DLGAP2: variants seen among roughly 807,000 people sequenced by gnomAD.
DLGAP2 encodes disks large-associated protein 2.
In DLGAP2, 26 loss-of-function variants were observed where a neutral mutation model predicts 100.3. The ratio of observed to expected loss-of-function variants is 0.26; its 90% CI spans 0.19 to 0.36. DLGAP2 has a LOEUF of 0.36. Among genes scored for constraint, DLGAP2 ranks in the 10% least tolerant of loss-of-function variants. DLGAP2 has a pLI of 1.00. For synonymous variants in DLGAP2, 886 were observed against 630.1 expected (o/e 1.41, Z -6.08); for missense variants, 1,858 against 1,453.2 (o/e 1.28, Z -4.53).
intron 4 of DLGAP2, among the ~76,000 whole-genome samples, chr8:1,516,757 G>C (rs1203965516): frequency 6.6e-6 from 1 of 152,192 alleles, no homozygotes; most frequent in Non-Finnish European, 1.5e-5. Context: ...GTGACTGAGT[G>C]AAAGAGTACA....
intron 1 of DLGAP2, among the ~76,000 whole-genome samples, chr8:834,177 T>A (rs1336807471): frequency 1.3e-5 from 2 of 152,218 alleles, no homozygotes; most frequent in Non-Finnish European, 2.9e-5. Context: ...TCTCCACTCA[T>A]GGAAGAAGCG....
intron 1 of DLGAP2, chr8:738,697 G>GCTGGC (rs930616055): frequency 1.3e-5 from 2 of 153,056 alleles, no homozygotes; most frequent in African/African-American, 4.8e-5. Flanking sequence ...GCTGGGCTGG[G>GCTGGC]CTGGGCTGGA....
intron 3 of DLGAP2, among the ~76,000 whole-genome samples, chr8:1,284,142 C>T (rs1232613303): frequency 6.6e-6 from 1 of 152,212 alleles, no homozygotes; most frequent in South Asian, 2.1e-4. Context: ...ATTGTGACTG[C>T]GCGGCTGTCT....
intron 3 of DLGAP2, among the ~76,000 whole-genome samples, chr8:1,351,469 C>A (rs367862214): frequency 3.0e-4 from 11 of 36,380 alleles, no homozygotes; most frequent in African/African-American, 4.9e-4. Flanking sequence ...TGTGGAAAGG[C>A]CGTGCGGGTC....
rs2132572299 is a variant in DLGAP2, at chr8:750,492, A to G, written c.18+12667A>G. ...TTTCCTGAGTGCATAAAAATTGACA[A>G]AGAATATAAACAGAAAATTAAAGAA... On this transcript the variant is annotated intron_variant, in intron 1 of 14. Transcript: ENST00000637795. Among the ~76,000 whole-genome samples, 2 of 152,388 alleles carry G rather than the reference A, an allele frequency of 1.3e-5. 1 individual carries two copies. Among genetic ancestry groups the G allele is most frequent in the East Asian group, 3.9e-4 (2 of 5,184 alleles).
intron 2 of DLGAP2, among the ~76,000 whole-genome samples, chr8:919,615 A>G (rs1371184820): frequency 5.3e-5 from 8 of 152,350 alleles, no homozygotes; most frequent in African/African-American, 1.9e-4. Flanking sequence ...CTGCGCCAGT[A>G]CAGGATGGGG....
At chr8:1,313,568 T>C (rs1014454324) in intron 3 of DLGAP2, among the ~76,000 whole-genome samples, 4 of 152,216 alleles carry the variant, frequency 2.6e-5, no homozygotes, top group African/African-American at 9.6e-5. Context: ...TAAAGGTTTT[T>C]CCTGTGGAAC....
At chr8:1,320,363 C>A (rs561292100) in intron 3 of DLGAP2, among the ~76,000 whole-genome samples, 1 of 152,112 alleles carries the variant, frequency 6.6e-6, no homozygotes, top group Non-Finnish European at 1.5e-5. Flanking sequence ...CGTAGCGTCG[C>A]ATCCTACAGA....
At position 1,013,227 on chromosome 8, in the gene DLGAP2, C is replaced by T. The variant is rs78181844; in HGVS notation, c.73+105261C>T. Among the ~76,000 whole-genome samples, 49 of 152,212 alleles carry T rather than the reference C, an allele frequency of 3.2e-4. No individual in the cohort carries two copies. In the East Asian group the frequency reaches 8.3e-3, roughly 26 times the overall value. On this transcript the variant is annotated intron_variant, in intron 2 of 14. Coordinates refer to ENST00000637795, the MANE Select transcript of DLGAP2 (RefSeq NM_001346810.2). ...GTATAGACTTTCAGCATTTGAACTA[C>T]GTTATTGGTGTGAAAAGTTAAGCAT...
At chr8:1,523,443 C>A (rs55928340) in intron 4 of DLGAP2, among the ~76,000 whole-genome samples, 71,155 of 151,816 alleles carry the variant, frequency 0.47, 17,207 homozygotes, top group South Asian at 0.7. Context: ...CATGCCCCCA[C>A]GCAGACACAC....
chr8:1,206,490 G>T (rs199692609), intron 2 of DLGAP2, among the ~76,000 whole-genome samples: 789 of 31,638 alleles, frequency 0.025, no homozygotes, highest in Middle Eastern at 0.067. Flanking sequence ...ATCCGTGGGC[G>T]GGGGTAGACT....
At chr8:1,565,134 A>T (rs1802345488) in intron 5 of DLGAP2, among the ~76,000 whole-genome samples, 1 of 152,184 alleles carries the variant, frequency 6.6e-6, no homozygotes, top group African/African-American at 2.4e-5. Flanking sequence ...GTGCTTGGTG[A>T]TATGTCAGGT....
intron 2 of DLGAP2, among the ~76,000 whole-genome samples, chr8:1,048,309 T>C (rs1802571435): frequency 6.6e-6 from 1 of 152,116 alleles, no homozygotes; most frequent in Admixed American, 6.5e-5. Context: ...CTCACAGACA[T>C]GCAGGAAGTA....
At chr8:1,158,516 T>G (rs1485277101) in intron 2 of DLGAP2, among the ~76,000 whole-genome samples, 1 of 152,232 alleles carries the variant, frequency 6.6e-6, no homozygotes, top group Non-Finnish European at 1.5e-5. Context: ...TCCAGTGGTG[T>G]GTATGTGAGT....
intron 2 of DLGAP2, among the ~76,000 whole-genome samples, chr8:970,610 G>GT (rs1799988313): frequency 6.6e-6 from 1 of 152,148 alleles, no homozygotes; most frequent in Non-Finnish European, 1.5e-5. Flanking sequence ...TATATTGTTT[G>GT]TTTTTACAAA....
chr8:1,673,705 G>A (rs1585051647), intron 10 of DLGAP2, among the ~76,000 whole-genome samples: 1 of 152,164 alleles, frequency 6.6e-6, no homozygotes, highest in South Asian at 2.1e-4. Flanking sequence ...GGCATTGGGT[G>A]TCCCCTCTTT....
At chr8:1,137,518 G>C (rs1459797263) in intron 2 of DLGAP2, 1 of 152,210 alleles carries the variant, frequency 6.6e-6, no homozygotes, top group Non-Finnish European at 1.5e-5. Context: ...TCTATGCATT[G>C]GAGCGAAAAT....
At chr8:1,595,321 G>T (rs990980533) in intron 6 of DLGAP2, among the ~76,000 whole-genome samples, 1 of 152,048 alleles carries the variant, frequency 6.6e-6, no homozygotes, top group Non-Finnish European at 1.5e-5. Flanking sequence ...ATACAAAAGA[G>T]AAGAAACAAT....
At chr8:1,229,909 C>T (rs1234462122) in intron 2 of DLGAP2, among the ~76,000 whole-genome samples, 1 of 152,138 alleles carries the variant, frequency 6.6e-6, no homozygotes, top group African/African-American at 2.4e-5. Context: ...CCACAGCCAA[C>T]ATTAATACTG....
Sources: allele counts gnomAD v4.1 joint callset (sites outside exome capture counted in the v4.1 genomes callset), GRCh38; gene constraint gnomAD v4.1.1; transcripts MANE v1.5; gene names NCBI Gene and HGNC (gene_info 2026-07-23, HGNC 2026-07-21).